Variants in KALRN observed in about 807,000 individuals in gnomAD.
KALRN encodes kalirin RhoGEF kinase.
In KALRN, 70 loss-of-function variants were observed where a neutral mutation model predicts 353.7. The observed-to-expected ratio is 0.20, with a 90% CI of 0.16 to 0.24. The LOEUF (loss-of-function observed/expected upper bound fraction) is 0.24, where lower values mean the gene tolerates loss of function less well. KALRN is among the 10% of genes least tolerant of loss of function. The pLI, the probability that KALRN is intolerant of heterozygous loss-of-function variation, is 1.00. For missense variants in KALRN, 2,791 were observed against 3,756.7 expected (o/e 0.74, Z 6.72); for synonymous variants, 1,391 against 1,434.8 (o/e 0.97, Z 0.69).
At chr3:124,538,184 G>A (rs2068693176) in intron 33 of KALRN, among the ~76,000 whole-genome samples, 1 of 152,134 alleles carries the variant, frequency 6.6e-6, no homozygotes, top group South Asian at 2.1e-4. Flanking sequence ...ACAGCAGGAC[G>A]ATTTTGAGTG....
At chr3:124,368,122 A>ACG (rs2085206357) in intron 10 of KALRN, among the ~76,000 whole-genome samples, 1 of 19,276 alleles carries the variant, frequency 5.2e-5, no homozygotes, top group East Asian at 0.013. Flanking sequence ...CGGACGGGGC[A>ACG]GCTGGCCAGG....
chr3:124,147,612 T>TC (rs2067529038), intron 1 of KALRN, among the ~76,000 whole-genome samples: 1 of 152,110 alleles, frequency 6.6e-6, no homozygotes, highest in Admixed American at 6.5e-5. Context: ...TCATCCAGCA[T>TC]CCCCCACTGT....
intron 5 of KALRN, among the ~76,000 whole-genome samples, chr3:124,294,098 G>A (rs190848641): frequency 4.6e-5 from 7 of 152,180 alleles, no homozygotes; most frequent in Non-Finnish European, 1.0e-4. Context: ...ACAGGGAAGT[G>A]TTCCAACTGA....
chr3:124,201,098 G>A (rs2075898771), intron 1 of KALRN, among the ~76,000 whole-genome samples: 1 of 152,184 alleles, frequency 6.6e-6, no homozygotes, highest in Admixed American at 6.5e-5. Context: ...TTCCTCCCTA[G>A]AATGGGGATA....
chr3:124,041,155 A>G (rs538746722), intron 1 of KALRN, among the ~76,000 whole-genome samples: 7 of 152,282 alleles, frequency 4.6e-5, no homozygotes, highest in African/African-American at 1.7e-4. Flanking sequence ...ATAAGGGGTT[A>G]AAAGGGGAGG....
chr3:124,696,173 G>C lies in KALRN; in HGVS notation c.7617G>C (p.Met2539Ile), dbSNP rs1050115806. 3 of 1,613,834 alleles carry C rather than the reference G, an allele frequency of 1.9e-6. No individual in the cohort carries two copies. The African/African-American group carries it at 4.0e-5, about 22-fold the overall frequency. ...TCACCCTGAAGATCTGTAATCTGAT[G>C]CCCCAAGACAGTGGGATTTATACCT... ...GEITLKICNLMPQDSGIYTCI... is the reference protein window; with the variant it reads ...GEITLKICNLIPQDSGIYTCI... The change falls in exon 54 of 60, where the codon ATG (methionine) becomes ATC (isoleucine). Residue 2539 changes from methionine to isoleucine, a missense_variant. By Grantham distance (10) the Met-to-Ile change is conservative. Transcript: ENST00000682506.
chr3:124,514,248 T>G (rs2066285484), intron 33 of KALRN, among the ~76,000 whole-genome samples: 2 of 152,166 alleles, frequency 1.3e-5, no homozygotes, highest in Admixed American at 6.5e-5. Flanking sequence ...CCTCTGTAGG[T>G]AATGAAGGAA....
intron 1 of KALRN, among the ~76,000 whole-genome samples, chr3:124,055,959 TCC>T (rs1489964824): frequency 6.6e-6 from 1 of 152,228 alleles, no homozygotes; most frequent in Admixed American, 6.5e-5. Flanking sequence ...AGCTTTGTTC[TCC>T]GGGAGTTTTC....
At chr3:124,466,107 T>G (rs1410657082) in intron 25 of KALRN, among the ~76,000 whole-genome samples, 1 of 151,928 alleles carries the variant, frequency 6.6e-6, no homozygotes, top group African/African-American at 2.4e-5. Flanking sequence ...AGGACCTTTG[T>G]CTTTATAGGT....
intron 1 of KALRN, among the ~76,000 whole-genome samples, chr3:124,194,896 G>T (rs547220577): frequency 1.2e-3 from 178 of 152,274 alleles, no homozygotes; most frequent in African/African-American, 4.0e-3. Flanking sequence ...AAGTATGTTT[G>T]CTAAGGACAC....
intron 29 of KALRN, among the ~76,000 whole-genome samples, chr3:124,489,123 A>G (rs2062863910): frequency 6.6e-6 from 1 of 152,190 alleles, no homozygotes; most frequent in Admixed American, 6.5e-5. Context: ...CCTGGCCAAC[A>G]TGGCGAAACC....
chr3:124,717,978 A>ATT (rs1174717439), intron 59 of KALRN, among the ~76,000 whole-genome samples: 4 of 147,992 alleles, frequency 2.7e-5, no homozygotes, highest in East Asian at 2.1e-4. Context: ...TGCCCAGCTA[A>ATT]TTTTTGTATT....
intron 33 of KALRN, among the ~76,000 whole-genome samples, chr3:124,507,420 A>C (rs2065359769): frequency 6.6e-6 from 1 of 152,212 alleles, no homozygotes; most frequent in Admixed American, 6.5e-5. Flanking sequence ...ATTTGCTGTT[A>C]TTTGGAGGGC....
chr3:124,478,745 T>C (rs1332899520), intron 27 of KALRN, among the ~76,000 whole-genome samples: 2 of 152,116 alleles, frequency 1.3e-5, no homozygotes, highest in African/African-American at 4.8e-5. Context: ...TCCAGAAGGG[T>C]CTTTTTGAAG....
intron 3 of KALRN, among the ~76,000 whole-genome samples, chr3:124,257,778 G>T (rs919172933): frequency 2.0e-5 from 3 of 152,166 alleles, no homozygotes; most frequent in African/African-American, 7.2e-5. Context: ...GGAACAGGAA[G>T]GGGGTCACCC....
At position 124,602,778 on chromosome 3, in the gene KALRN, C is replaced by T. The variant is rs147995437; in HGVS notation, c.5183-29642C>T. 5.0e-3 allele frequency among the ~76,000 whole-genome samples: 754 copies of T among 152,284 alleles called. 8 individuals are homozygous for T. The highest frequency in any genetic ancestry group is 0.023 in the South Asian group (112 of 4,816). ...ATGAACAGGTGTGTGACTGTAGCAT[C>T]CTTAGGTCTTCAGCTTTTGGGAGTC... On this transcript the variant is annotated intron_variant, in intron 34 of 59. Transcript: ENST00000682506.
Position 124,657,750 on chromosome 3 carries a change from C to G in KALRN, c.5983C>G (p.Leu1995Val). 3 of 1,613,664 alleles carry G rather than the reference C, an allele frequency of 1.9e-6. No homozygotes were observed. The highest frequency in any genetic ancestry group is 1.1e-5 in the South Asian group (1 of 91,074). The part of the protein sequence containing the change: ...DWHKDFFLAE[L>V]EKCIQEQDRL... The stretch of plus-strand genomic sequence containing the variant: ...TCCTTTTAGTTTTTTCCTGGCGGAA[C>G]TGGAAAAGTGTATCCAGGAGCAAGA... The change falls in exon 41 of 60, where the codon CTG (leucine) becomes GTG (valine). Residue 1995 changes from leucine (L) to valine (V), a missense_variant. Coordinates refer to ENST00000682506, the MANE Select transcript of KALRN (RefSeq NM_001388419.1).
intron 1 of KALRN, among the ~76,000 whole-genome samples, chr3:124,092,279 C>G (rs1469914466): frequency 6.6e-6 from 1 of 152,174 alleles, no homozygotes; most frequent in Non-Finnish European, 1.5e-5. Flanking sequence ...GCACTAGCAC[C>G]ATTAGAGCAC....
chr3:124,287,776 T>G (rs1445817088), intron 5 of KALRN, among the ~76,000 whole-genome samples: 5 of 2,388 alleles, frequency 2.1e-3, no homozygotes, highest in Non-Finnish European at 3.2e-3. Flanking sequence ...GGAAGATATA[T>G]ATATATATAT....
Sources: gnomAD v4.1 joint callset for allele counts (sites outside exome capture counted in the v4.1 genomes callset) on GRCh38, gnomAD v4.1.1 for gene constraint, MANE v1.5 for transcripts, NCBI Gene and HGNC (gene_info 2026-07-23, HGNC 2026-07-21) for gene names.